The following KLC3 variants were observed in gnomAD, a reference collection of about 807,000 sequenced individuals.
The protein encoded by KLC3 is kinesin light chain 2.
KLC3 carries 72 observed loss-of-function variants against 62.9 expected under a neutral mutation model. The ratio of observed to expected loss-of-function variants is 1.15; its 90% CI spans 0.95 to 1.39. The LOEUF (loss-of-function observed/expected upper bound fraction) is 1.39, where lower values mean the gene tolerates loss of function less well. KLC3 is among the 40% of genes most tolerant of loss of function. The pLI, the probability that KLC3 is intolerant of heterozygous loss-of-function variation, is 0.00. For missense variants in KLC3, 848 were observed against 691.6 expected, an observed-to-expected ratio of 1.23 and a Z score of -2.54; for synonymous variants, 377 against 300.5, an observed-to-expected ratio of 1.25 and a Z score of -2.63.
At chr19:45,341,576 T>TGCGCGCGCGCGC (rs1188553164) in intron 1 of KLC3, among the ~76,000 whole-genome samples, 57 of 130,042 alleles carry the variant, frequency 4.4e-4, no homozygotes, top group Non-Finnish European at 9.3e-4. Context: ...TGTGTGTGTG[T>TGCGCGCGCGCGC]GTGCGCGCGC....
chr19:45,344,009 G>T (rs1184787044), intron 1 of KLC3, among the ~76,000 whole-genome samples: 8 of 151,616 alleles, frequency 5.3e-5, no homozygotes, highest in Admixed American at 5.3e-4. Flanking sequence ...TTTTATTTTT[G>T]TAGGGATGGG....
chr19:45,347,348 A>AAC, intron 3 of KLC3, 99 bp from the exon 4 acceptor site: 1 of 889,786 alleles, frequency 1.1e-6, no homozygotes, highest in African/African-American at 1.7e-5. Flanking sequence ...CTCAAAAAAA[A>AAC]AAAAAAAACA....
intron 2 of KLC3, among the ~76,000 whole-genome samples, chr19:45,346,175 A>G (rs1486712507): frequency 6.6e-6 from 1 of 151,990 alleles, no homozygotes; most frequent in Non-Finnish European, 1.5e-5. Context: ...ACAACAGAAA[A>G]AAGTATGGCA....
In KLC3 at chr19:45,345,734, G is replaced by A. The variant is rs1253274852; in HGVS notation, c.193G>A (p.Glu65Lys). 4 of 1,560,026 alleles carry A rather than the reference G, an allele frequency of 2.6e-6. No homozygotes were observed. Among genetic ancestry groups the A allele is most frequent in the Non-Finnish European group, 3.5e-6 (4 of 1,152,826 alleles). ...CCCGGCAGCCGGCTTGGAGATGCTG[G>A]AGGAAAAGCAGCAGGTGGTGAGCCA... ...QGPAAGLEML[E>K]EKQQVVSHSL... The change falls in exon 2 of 13, where the codon GAG becomes AAG. Residue 65 changes from glutamate to lysine, a missense_variant. Coordinates refer to ENST00000391946, the MANE Select transcript of KLC3 (RefSeq NM_177417.3).
intron 2 of KLC3, among the ~76,000 whole-genome samples, 183 bp downstream of exon 2, chr19:45,345,982 A>G (rs1420375953): frequency 2.0e-5 from 3 of 152,112 alleles, no homozygotes; most frequent in Non-Finnish European, 4.4e-5. Context: ...CCTGGCCAAC[A>G]TGGGAAAACC....
chr19:45,347,823 G>A (rs1395821715), intron 4 of KLC3, 118 bp from the exon 5 acceptor site: 20 of 824,724 alleles, frequency 2.4e-5, no homozygotes, highest in Non-Finnish European at 3.5e-5. Flanking sequence ...TAGCGTGGGG[G>A]CCCATAGTCC....
Position 45,349,742 on chromosome 19 carries a change from C to A in KLC3, c.1143+140C>A. The stretch of plus-strand genomic sequence containing the variant: ...GGGCCCTTGGAGCAAGTGTCAGACA[C>A]AGGAGCTGGCTCAGCACAGAACACG... On this transcript the variant is annotated intron_variant, in intron 8 of 12. Coordinates refer to ENST00000391946, the MANE Select transcript of KLC3 (RefSeq NM_177417.3). 2 of 774,658 alleles carry A rather than the reference C, an allele frequency of 2.6e-6. 1 individual carries two copies. Among genetic ancestry groups the A allele is most frequent in the Admixed American group, 6.1e-5 (2 of 32,578 alleles). The allele number at this position is 774,658 out of a possible 1,614,324, so 48.0% of individuals were successfully genotyped here.
At position 45,348,833 on chromosome 19, in the gene KLC3, TCAA is replaced by T. The variant is rs777754250; in HGVS notation, c.886_888del (p.Asn296del). On this transcript the variant is annotated inframe_deletion, in exon 7 of 13. Transcript: ENST00000391946. ...CCAACCCCGCAGGTGGCCGCCACGC[TCAA>T]CAACTTGGCTGTCCTCTATGGGAAG... 5 of 1,571,300 alleles carry T rather than the reference TCAA, an allele frequency of 3.2e-6. No individual in the cohort carries two copies. The highest frequency in any genetic ancestry group is 3.5e-6 in the Non-Finnish European group (4 of 1,158,198).
chr19:45,351,202 T>C (rs1164567816), intron 12 of KLC3, 84 bp from the exon 13 acceptor site: 2 of 1,585,996 alleles, frequency 1.3e-6, no homozygotes, highest in African/African-American at 1.3e-5. Context: ...GATAGTTGGC[T>C]GCCAGGCTGG....
intron 1 of KLC3, among the ~76,000 whole-genome samples, chr19:45,342,991 C>T (rs1393727482): frequency 6.6e-6 from 1 of 152,180 alleles, no homozygotes; most frequent in Non-Finnish European, 1.5e-5. Context: ...CGTGGCATCC[C>T]TCCACGCGTA....
At chr19:45,346,823 C>T in intron 3 of KLC3, 49 bp downstream of exon 3, 4 of 1,482,296 alleles carry the variant, frequency 2.7e-6, no homozygotes, top group South Asian at 1.2e-5. Context: ...TCATAGAGCC[C>T]CACAGTCCCC....
chr19:45,348,997 T>TCGTGAC, intron 7 of KLC3, 76 bp downstream of exon 7: 1 of 1,306,446 alleles, frequency 7.7e-7, no homozygotes, highest in Non-Finnish European at 1.1e-6. Context: ...AGCACGTACA[T>TCGTGAC]CGTGACCCTG....
At chr19:45,344,712 C>T (rs1444462883) in intron 1 of KLC3, among the ~76,000 whole-genome samples, 2 of 152,184 alleles carry the variant, frequency 1.3e-5, no homozygotes, top group Non-Finnish European at 2.9e-5. Context: ...TTGTCACCCA[C>T]ATACAACCAC....
Position 45,348,840 on chromosome 19 carries a change from C to T in KLC3, c.888C>T (p.Asn296=), listed in dbSNP as rs373255026. 7 of 1,574,224 alleles carry T rather than the reference C, an allele frequency of 4.4e-6. No individual in the cohort carries two copies. The highest frequency in any genetic ancestry group is 4.0e-5 in the African/African-American group (3 of 74,258). The change falls in exon 7 of 13, where the codon AAC becomes AAT. Residue 296 remains asparagine, a synonymous_variant. Coordinates refer to ENST00000391946, the MANE Select transcript of KLC3 (RefSeq NM_177417.3). Reference sequence around the variant, plus strand: ...CGCAGGTGGCCGCCACGCTCAACAACTTGGCTGTCCTCTATGGGAAGCGTG... The same window carrying T: ...CGCAGGTGGCCGCCACGCTCAACAATTTGGCTGTCCTCTATGGGAAGCGTG... ...EHPAVAATLN[N]LAVLYGKRGR... is the part of the protein sequence containing the mutation.
At chr19:45,350,113 CGGCCAGGTCAGCACATTAGAAAGTGG>C in intron 8 of KLC3, 1 of 551,808 alleles carries the variant, frequency 1.8e-6, no homozygotes, top group East Asian at 3.1e-5. Flanking sequence ...GGGAAGGATA[CGGCCAGGTCAGCACATTAGAAAGTGG>C]GGCCAGACGT....
chr19:45,349,362 C>G (rs1971598844), intron 7 of KLC3, 67 bp from the exon 8 acceptor site: 2 of 1,487,760 alleles, frequency 1.3e-6, no homozygotes, highest in Non-Finnish European at 1.8e-6. Context: ...GACCACCATA[C>G]AGCAGTGATG....
intron 1 of KLC3, among the ~76,000 whole-genome samples, chr19:45,344,167 G>C (rs1971443018): frequency 6.7e-6 from 1 of 149,696 alleles, no homozygotes; most frequent in Admixed American, 6.7e-5. Flanking sequence ...GTGTGTGTGT[G>C]TGTGTGTGTG....
At position 45,350,428 on chromosome 19, in the gene KLC3, CTCGGTGAGCCCCTA is replaced by C. The variant is rs1568527153; in HGVS notation, c.1232_1234+11del. On this transcript the variant is annotated splice_donor_variant and splice_donor_5th_base_variant and coding_sequence_variant and intron_variant, in exon 9 of 13. Transcript: ENST00000391946. LOFTEE classifies it high-confidence loss of function. Reference sequence around the variant, plus strand: ...CCACAAGGAGGACCTACCCGCCCCTCTCGGTGAGCCCCTAGCCCCTGTCTGTCTTCCCTCCTGGT... The same window carrying C: ...CCACAAGGAGGACCTACCCGCCCCTCGCCCCTGTCTGTCTTCCCTCCTGGT... 1.2e-6 allele frequency: 2 copies of C among 1,613,446 alleles called. No homozygotes were observed. The highest frequency in any genetic ancestry group is 2.2e-5 in the East Asian group (1 of 44,870).
chr19:45,349,900 T>G, intron 8 of KLC3: 1 of 456,326 alleles, frequency 2.2e-6, no homozygotes, highest in Non-Finnish European at 3.9e-6. Context: ...GGTCCCCACA[T>G]CGCTAGTTCT....
Sources: gnomAD v4.1 joint callset for allele counts (sites outside exome capture counted in the v4.1 genomes callset) on GRCh38, gnomAD v4.1.1 for gene constraint, MANE v1.5 for transcripts, NCBI Gene and HGNC (gene_info 2026-07-23, HGNC 2026-07-21) for gene names.